The following BCAS4 variants were observed in gnomAD, a reference collection of about 807,000 sequenced individuals.
The protein encoded by BCAS4 is breast carcinoma amplified sequence 4.
Under a neutral mutation model 15.7 loss-of-function variants are expected in BCAS4, and 9 were observed. The ratio of observed to expected loss-of-function variants is 0.57; its 90% CI spans 0.34 to 1.00. The LOEUF (loss-of-function observed/expected upper bound fraction) is 1.00, where lower values mean the gene tolerates loss of function less well. Among genes scored for constraint, BCAS4 ranks in the 50% least tolerant of loss-of-function variants. BCAS4 has a pLI of 0.02. For missense variants in BCAS4, 225 were observed against 239.1 expected, an observed-to-expected ratio of 0.94 and a Z score of 0.39; for synonymous variants, 101 against 99.5, an observed-to-expected ratio of 1.02 and a Z score of -0.09.
At position 50,814,430 on chromosome 20, in the gene BCAS4, A is replaced by G. The variant is rs374089185; in HGVS notation, c.91-3781A>G. On this transcript the variant is annotated intron_variant, in intron 1 of 4. Coordinates refer to ENST00000371608, the MANE Select transcript of BCAS4 (RefSeq NM_198799.4). ...GCCTCTCAAGTAGCTGAGACCACAC[A>G]GGTGTGCACCACCATGCCCAGTTAG... Among the ~76,000 whole-genome samples, 30 of 152,338 alleles carry G rather than the reference A, an allele frequency of 2.0e-4. No homozygotes were observed. The East Asian group carries it at 5.2e-3, about 26-fold the overall frequency.
At chr20:50,824,000 T>C (rs948127685) in intron 2 of BCAS4, among the ~76,000 whole-genome samples, 1 of 152,164 alleles carries the variant, frequency 6.6e-6, no homozygotes, top group African/African-American at 2.4e-5. Context: ...TTTATTATAA[T>C]ATTATAATAA....
intron 2 of BCAS4, among the ~76,000 whole-genome samples, chr20:50,828,478 A>T (rs143773241): frequency 5.1e-4 from 77 of 152,264 alleles, no homozygotes; most frequent in African/African-American, 1.3e-3. Context: ...TTCAAAAAAA[A>T]ATTTTAAATA....
At chr20:50,824,306 G>A (rs901265983) in intron 2 of BCAS4, among the ~76,000 whole-genome samples, 5 of 152,252 alleles carry the variant, frequency 3.3e-5, no homozygotes, top group African/African-American at 7.2e-5. Flanking sequence ...GTGGGTGCAT[G>A]TTCTTGGGTC....
chr20:50,873,201 G>A (rs1346692851), intron 4 of BCAS4, among the ~76,000 whole-genome samples: 1 of 152,212 alleles, frequency 6.6e-6, no homozygotes, highest in Non-Finnish European at 1.5e-5. Context: ...TCTTCATAAT[G>A]ATATTGATTT....
At chr20:50,818,036 C>G (rs1004861996) in intron 1 of BCAS4, among the ~76,000 whole-genome samples, 175 bp from the exon 2 acceptor site, 1 of 151,536 alleles carries the variant, frequency 6.6e-6, no homozygotes, top group Admixed American at 6.6e-5. Flanking sequence ...CCGTGATGGG[C>G]GCCAGGACTG....
At chr20:50,869,810 G>A (rs904829482) in intron 4 of BCAS4, among the ~76,000 whole-genome samples, 12 of 145,846 alleles carry the variant, frequency 8.2e-5, no homozygotes, top group Non-Finnish European at 1.6e-4. Flanking sequence ...GTGCAGTGGC[G>A]TGATCTCAGC....
intron 4 of BCAS4, among the ~76,000 whole-genome samples, chr20:50,842,180 C>T (rs929490246): frequency 2.0e-5 from 3 of 152,204 alleles, no homozygotes; most frequent in African/African-American, 7.2e-5. Flanking sequence ...CTCCCGCCCT[C>T]CTGCCCATCC....
intron 1 of BCAS4, among the ~76,000 whole-genome samples, chr20:50,815,057 C>T (rs2088121566): frequency 6.6e-6 from 1 of 152,222 alleles, no homozygotes; most frequent in Non-Finnish European, 1.5e-5. Flanking sequence ...TCTATGATGT[C>T]AGGTTAACCT....
intron 4 of BCAS4, among the ~76,000 whole-genome samples, chr20:50,845,191 G>T (rs1033402034): frequency 2.0e-5 from 3 of 152,190 alleles, no homozygotes; most frequent in African/African-American, 7.2e-5. Context: ...CCAGAAAATG[G>T]TGGAGCTGGG....
chr20:50,844,787 A>C (rs565467431), intron 4 of BCAS4, among the ~76,000 whole-genome samples: 69 of 152,006 alleles, frequency 4.5e-4, no homozygotes, highest in Middle Eastern at 6.8e-3. Context: ...TGGGACCTGC[A>C]CCCTCTCCTC....
At chr20:50,808,018 C>T (rs2088014921) in intron 1 of BCAS4, among the ~76,000 whole-genome samples, 1 of 151,864 alleles carries the variant, frequency 6.6e-6, no homozygotes, top group African/African-American at 2.4e-5. Context: ...CGCGATTCTC[C>T]TGCCTCAGCC....
intron 4 of BCAS4, among the ~76,000 whole-genome samples, chr20:50,850,462 A>G (rs1004907993): frequency 2.6e-5 from 4 of 152,202 alleles, no homozygotes; most frequent in Non-Finnish European, 5.9e-5. Context: ...CAAACTCGAG[A>G]TCTTTGGGCT....
Position 50,844,667 on chromosome 20 carries a change from A to G in BCAS4, c.399+2767A>G, listed in dbSNP as rs148437232. 2.6e-5 allele frequency among the ~76,000 whole-genome samples: 4 copies of G among 152,250 alleles called. No individual in the cohort carries two copies. In the East Asian group the frequency reaches 7.8e-4, roughly 30 times the overall value. ...TGGAGATGGAGAATCACCTATCCAGAGTCACTACTGGGTTTGGAATCCAGG... is the reference window on the plus strand; with the variant it reads ...TGGAGATGGAGAATCACCTATCCAGGGTCACTACTGGGTTTGGAATCCAGG... On this transcript the variant is annotated intron_variant, in intron 4 of 4. Coordinates refer to ENST00000371608, the MANE Select transcript of BCAS4 (RefSeq NM_198799.4).
intron 4 of BCAS4, among the ~76,000 whole-genome samples, chr20:50,843,333 T>C (rs1373335816): frequency 6.6e-6 from 1 of 152,184 alleles, no homozygotes; most frequent in African/African-American, 2.4e-5. Context: ...TTCCCAGCCA[T>C]CTTGTGTGCT....
intron 4 of BCAS4, among the ~76,000 whole-genome samples, chr20:50,863,248 CTTTTT>C (rs1054175958): frequency 2.3e-5 from 2 of 86,094 alleles, no homozygotes; most frequent in Non-Finnish European, 4.4e-5. Flanking sequence ...CTAACTGGTG[CTTTTT>C]TTTTTTTTTT....
At chr20:50,855,816 C>T (rs1042009719) in intron 4 of BCAS4, among the ~76,000 whole-genome samples, 2 of 152,348 alleles carry the variant, frequency 1.3e-5, no homozygotes, top group African/African-American at 4.8e-5. Context: ...AGCCATGAAC[C>T]TGAGGATGAA....
intron 4 of BCAS4, among the ~76,000 whole-genome samples, chr20:50,850,219 G>A (rs1440681490): frequency 6.6e-6 from 1 of 152,220 alleles, no homozygotes; most frequent in Non-Finnish European, 1.5e-5. Flanking sequence ...AGGGCTTTCT[G>A]TGCCTCATCT....
In BCAS4 at chr20:50,795,153, ACC is replaced by A. The variant is rs1569012160; in HGVS notation, c.74_75del (p.Pro25ArgfsTer28). 6.8e-7 allele frequency: 1 copy of A among 1,462,092 alleles called. No homozygotes were observed. The highest frequency in any genetic ancestry group is 2.2e-5 in the Admixed American group (1 of 45,934). The allele number at this position is 1,462,092 out of a possible 1,614,324, so 90.6% of individuals were successfully genotyped here. A position where few individuals can be genotyped will look rare whatever the true frequency, so the allele number is the denominator to read the frequency against. On this transcript the variant is annotated frameshift_variant, in exon 1 of 5. Transcript: ENST00000371608. LOFTEE classifies it high-confidence loss of function. ...GGCGCGCGAGCTCGCGCTCTTCCTG[ACC>A]CCCGAGCCTGGGGCCGAGGTAGGGG... ...SGARELALFL[T>X]PEPGAEAKEV...
intron 1 of BCAS4, among the ~76,000 whole-genome samples, chr20:50,816,952 G>A (rs1452830611): frequency 6.6e-6 from 1 of 151,604 alleles, no homozygotes; most frequent in Non-Finnish European, 1.5e-5. Flanking sequence ...CTACAGGTGT[G>A]TGCCACCACA....
Sources: gnomAD v4.1 joint callset for allele counts (sites outside exome capture counted in the v4.1 genomes callset) on GRCh38, gnomAD v4.1.1 for gene constraint, MANE v1.5 for transcripts, NCBI Gene and HGNC (gene_info 2026-07-23, HGNC 2026-07-21) for gene names.